ADAM22: variants seen among roughly 807,000 people sequenced by gnomAD.
ADAM22 encodes disintegrin and metalloproteinase domain-containing protein 22.
Under a neutral mutation model 144.6 loss-of-function variants are expected in ADAM22, and 65 were observed. The ratio of observed to expected loss-of-function variants is 0.45; its 90% CI spans 0.37 to 0.55. The LOEUF (loss-of-function observed/expected upper bound fraction) is 0.55. Ranked by LOEUF, ADAM22 falls within the 20% of genes least tolerant of loss-of-function variation. The pLI, the probability that ADAM22 is intolerant of heterozygous loss-of-function variation, is 0.00. For synonymous variants in ADAM22, 391 were observed against 412.6 expected (o/e 0.95, Z 0.63); for missense variants, 974 against 1,184.9 (o/e 0.82, Z 2.61).
At chr7:88,126,564 A>G (rs2299200) in intron 8 of ADAM22, among the ~76,000 whole-genome samples, 60,189 of 151,816 alleles carry the variant, frequency 0.4, 13,874 homozygotes, top group East Asian at 0.88. Context: ...AACACATTTA[A>G]CCCTCAAAAA....
chr7:88,081,737 A>G (rs959502931), intron 4 of ADAM22, among the ~76,000 whole-genome samples: 12 of 138,592 alleles, frequency 8.7e-5, no homozygotes, highest in Admixed American at 3.8e-4. Context: ...CCCATTCACA[A>G]TTGCTTCAAA....
At chr7:88,084,350 C>T (rs1192981046) in intron 4 of ADAM22, among the ~76,000 whole-genome samples, 1 of 152,150 alleles carries the variant, frequency 6.6e-6, no homozygotes, top group Non-Finnish European at 1.5e-5. Context: ...GCCTGTCATA[C>T]CAGGGAAATG....
intron 3 of ADAM22, among the ~76,000 whole-genome samples, chr7:88,057,378 T>G (rs533950455): frequency 2.0e-5 from 3 of 152,362 alleles, no homozygotes; most frequent in Admixed American, 1.3e-4. Flanking sequence ...GCCTGACTAA[T>G]TATTTGTTAA....
chr7:88,010,887 A>G (rs1585000513), intron 3 of ADAM22, among the ~76,000 whole-genome samples: 1 of 152,222 alleles, frequency 6.6e-6, no homozygotes, highest in South Asian at 2.1e-4. Flanking sequence ...CTCCTCGTGT[A>G]TACAGTAACT....
At chr7:87,968,515 C>T (rs1266667284) in intron 2 of ADAM22, among the ~76,000 whole-genome samples, 2 of 152,032 alleles carry the variant, frequency 1.3e-5, no homozygotes, top group South Asian at 2.1e-4. Flanking sequence ...AGCCACTGCA[C>T]TCCAGCCTGG....
chr7:88,142,364 A>G (rs761382569), intron 14 of ADAM22, among the ~76,000 whole-genome samples: 32 of 152,110 alleles, frequency 2.1e-4, no homozygotes, highest in Admixed American at 3.9e-4. Context: ...TGACATATTT[A>G]TATTATAGGT....
intron 28 of ADAM22, 79 bp from the exon 29 acceptor site, chr7:88,181,879 C>A: frequency 7.9e-7 from 1 of 1,258,214 alleles, no homozygotes; most frequent in Non-Finnish European, 1.1e-6. Context: ...TCAATTATAC[C>A]CACTTGAAAT....
intron 5 of ADAM22, among the ~76,000 whole-genome samples, chr7:88,114,153 T>G (rs1340020937): frequency 1.3e-5 from 2 of 152,102 alleles, no homozygotes; most frequent in African/African-American, 4.8e-5. Context: ...AGGTCGGGCG[T>G]TCTCAGTATA....
chr7:87,943,894 C>T (rs1369709630), intron 2 of ADAM22, among the ~76,000 whole-genome samples: 3 of 152,156 alleles, frequency 2.0e-5, no homozygotes, highest in South Asian at 2.1e-4. Context: ...TAGCACTTAG[C>T]AATAATTGCC....
chr7:88,062,795 G>A (rs1333101689), intron 3 of ADAM22, among the ~76,000 whole-genome samples: 1 of 152,148 alleles, frequency 6.6e-6, no homozygotes, highest in East Asian at 1.9e-4. Context: ...AGCCAATGTA[G>A]GGTTATTAAT....
chr7:88,164,920 T>A (rs1842609940), intron 23 of ADAM22, among the ~76,000 whole-genome samples: 1 of 152,116 alleles, frequency 6.6e-6, no homozygotes, highest in Non-Finnish European at 1.5e-5. Context: ...GTGAATCAAA[T>A]CCAGGCCTTT....
chr7:87,988,939 G>A (rs1789107933), intron 3 of ADAM22, among the ~76,000 whole-genome samples: 1 of 151,884 alleles, frequency 6.6e-6, no homozygotes, highest in Non-Finnish European at 1.5e-5. Context: ...GTTGCAGGAA[G>A]AAAAATGGAA....
intron 2 of ADAM22, among the ~76,000 whole-genome samples, chr7:87,963,477 T>C (rs984868833): frequency 4.6e-5 from 7 of 152,208 alleles, no homozygotes; most frequent in African/African-American, 1.7e-4. Flanking sequence ...AAAGAATGAC[T>C]GTGCCTGGCC....
At chr7:87,997,513 G>A (rs758741698) in intron 3 of ADAM22, among the ~76,000 whole-genome samples, 2 of 152,358 alleles carry the variant, frequency 1.3e-5, no homozygotes, top group African/African-American at 2.4e-5. Flanking sequence ...AGGCTCTGGA[G>A]AAGAATCTAC....
In ADAM22 at chr7:88,178,995, C is replaced by CA; in HGVS notation, c.2362dup (p.Ile788AsnfsTer12). On this transcript the variant is annotated frameshift_variant, in exon 27 of 32. Coordinates refer to ENST00000413139, the MANE Select transcript of ADAM22 (RefSeq NM_001324418.2). LOFTEE classifies it high-confidence loss of function. ...GAGATGGTGACTCTTTTTATAGCGA[C>CA]ATTCCTCCCGGAGTCAGCACAAACT... 6.2e-7 allele frequency: 1 copy of CA among 1,613,276 alleles called. No homozygotes were observed. The highest frequency in any genetic ancestry group is 8.5e-7 in the Non-Finnish European group (1 of 1,179,444).
intron 25 of ADAM22, among the ~76,000 whole-genome samples, chr7:88,168,786 T>C (rs1200231932): frequency 6.6e-6 from 1 of 152,184 alleles, no homozygotes; most frequent in Non-Finnish European, 1.5e-5. Context: ...CTTAAAATCA[T>C]ATTCTGCTGA....
chr7:88,135,552 A>G (rs1832821934), intron 13 of ADAM22, among the ~76,000 whole-genome samples: 1 of 152,134 alleles, frequency 6.6e-6, no homozygotes, highest in Non-Finnish European at 1.5e-5. Flanking sequence ...CCAATAATAT[A>G]TTACACTGCC....
In ADAM22 at chr7:88,163,188, T is replaced by C; in HGVS notation, c.2076+8T>C. On this transcript the variant is annotated splice_region_variant and intron_variant, in intron 23 of 31. Coordinates refer to ENST00000413139, the MANE Select transcript of ADAM22 (RefSeq NM_001324418.2). ...ATTTGCTCAGGAAATGGAGTAAGTATCCAGTACCTTGTCAGAATCTATTTC... is the reference window on the plus strand; with the variant it reads ...ATTTGCTCAGGAAATGGAGTAAGTACCCAGTACCTTGTCAGAATCTATTTC... 6.3e-7 allele frequency: 1 copy of C among 1,581,528 alleles called. No individual in the cohort carries two copies. Among genetic ancestry groups the C allele is most frequent in the Non-Finnish European group, 8.6e-7 (1 of 1,167,100 alleles).
chr7:88,166,161 T>C (rs900442882), intron 24 of ADAM22, among the ~76,000 whole-genome samples: 1 of 152,170 alleles, frequency 6.6e-6, no homozygotes. Context: ...TGATTTAGCC[T>C]TATCTTGTCC....
Sources: allele counts gnomAD v4.1 joint callset (sites outside exome capture counted in the v4.1 genomes callset), GRCh38; gene constraint gnomAD v4.1.1; transcripts MANE v1.5; gene names NCBI Gene and HGNC (gene_info 2026-07-23, HGNC 2026-07-21).